SOX6: variants seen among roughly 807,000 people sequenced by gnomAD.
SOX6 encodes the protein transcription factor SOX-6.
In SOX6, 11 loss-of-function variants were observed where a neutral mutation model predicts 97.8. That is an observed-to-expected ratio of 0.11 (90% CI 0.07 to 0.19). SOX6 has a LOEUF of 0.19. Ranked by LOEUF, SOX6 falls within the 10% of genes least tolerant of loss-of-function variation. SOX6 has a pLI of 1.00. For missense variants in SOX6, 810 were observed against 1,039.5 expected (o/e 0.78, Z 3.04); for synonymous variants, 360 against 371.4 (o/e 0.97, Z 0.35).
At chr11:16,044,531 C>A (rs1855769773) in intron 12 of SOX6, among the ~76,000 whole-genome samples, 1 of 152,006 alleles carries the variant, frequency 6.6e-6, no homozygotes, top group Non-Finnish European at 1.5e-5. Flanking sequence ...CCCATGGAAC[C>A]CCATAAAATT....
chr11:16,696,067 A>AC lies in SOX6; in HGVS notation n.429+18762_429+18763insG, dbSNP rs530081087. On this transcript the variant is annotated intron_variant and non_coding_transcript_variant, in intron 3 of 5. Coordinates refer to the SOX6 transcript ENST00000524520. ...AACAGAATCCAACAACTACAAAGCC[A>AC]TTTAGTTGTAGTTTACTTAATAGTT... 1.7e-3 allele frequency among the ~76,000 whole-genome samples: 259 copies of AC among 152,312 alleles called. 2 individuals carry two copies. Among genetic ancestry groups the AC allele is most frequent in the African/African-American group, 6.0e-3 (251 of 41,572 alleles).
At chr11:16,012,795 A>T (rs1403906870) in intron 13 of SOX6, among the ~76,000 whole-genome samples, 1 of 152,022 alleles carries the variant, frequency 6.6e-6, no homozygotes, top group Non-Finnish European at 1.5e-5. Context: ...TAAAATGGAA[A>T]AAGTAATACC....
At chr11:16,097,395 T>C (rs113843951) in intron 8 of SOX6, among the ~76,000 whole-genome samples, 1,585 of 152,020 alleles carry the variant, frequency 0.01, 31 homozygotes, top group African/African-American at 0.036. Context: ...GAATACATAG[T>C]ATTAAGTCCT....
chr11:16,709,269 G>A (rs559530329), intron 3 of SOX6, among the ~76,000 whole-genome samples: 17 of 152,038 alleles, frequency 1.1e-4, no homozygotes, highest in African/African-American at 4.1e-4. Flanking sequence ...TGTAATCCCA[G>A]CACTTTGGGA....
At position 16,185,458 on chromosome 11, in the gene SOX6, A is replaced by T. The variant is rs374628257; in HGVS notation, c.708+1325T>A. On this transcript the variant is annotated intron_variant, in intron 5 of 15. Transcript: ENST00000683767. ...AAAGTGCTGCATAGAAATGCATCCAAAACACCACAGTGCAATTACTATCAT... is the reference window on the plus strand; with the variant it reads ...AAAGTGCTGCATAGAAATGCATCCATAACACCACAGTGCAATTACTATCAT... Among the ~76,000 whole-genome samples the T allele has an allele frequency of 4.1e-4, 63 of 152,294 alleles. No homozygotes were observed. The East Asian group carries it at 8.9e-3, about 21-fold the overall frequency.
chr11:16,374,843 T>C (rs971985167), intron 1 of SOX6, among the ~76,000 whole-genome samples: 1 of 152,066 alleles, frequency 6.6e-6, no homozygotes, highest in Non-Finnish European at 1.5e-5. Context: ...AGGTTGGTTT[T>C]TATTCCTTTC....
At chr11:16,553,579 A>ATT (rs61469318) in intron 4 of SOX6, among the ~76,000 whole-genome samples, 72 of 143,456 alleles carry the variant, frequency 5.0e-4, no homozygotes, top group African/African-American at 8.2e-4. Flanking sequence ...GATTTTGGCC[A>ATT]TTTTTTTTTT....
chr11:16,729,984 A>G (rs1486482778), intron 2 of SOX6, among the ~76,000 whole-genome samples: 1 of 151,256 alleles, frequency 6.6e-6, no homozygotes, highest in African/African-American at 2.4e-5. Context: ...AGGGCATTAC[A>G]TAATGGTAAA....
chr11:16,262,790 C>A (rs1477914567), intron 3 of SOX6, among the ~76,000 whole-genome samples: 2 of 151,970 alleles, frequency 1.3e-5, no homozygotes, highest in Non-Finnish European at 2.9e-5. Flanking sequence ...ATCAATGATG[C>A]ATTTAGATCA....
At chr11:16,590,959 C>A (rs1163205050) in intron 4 of SOX6, among the ~76,000 whole-genome samples, 1 of 151,168 alleles carries the variant, frequency 6.6e-6, no homozygotes, top group East Asian at 1.9e-4. Flanking sequence ...GTTTGTAATA[C>A]AAAGAAAGAA....
intron 6 of SOX6, among the ~76,000 whole-genome samples, chr11:16,134,018 T>C (rs1031684897): frequency 6.6e-6 from 1 of 152,188 alleles, no homozygotes; most frequent in Non-Finnish European, 1.5e-5. Flanking sequence ...GGTAATTACA[T>C]TGGTGATGAT....
intron 3 of SOX6, among the ~76,000 whole-genome samples, chr11:16,698,863 A>T (rs1220223737): frequency 6.6e-6 from 1 of 152,184 alleles, no homozygotes; most frequent in Non-Finnish European, 1.5e-5. Context: ...GGCACTCCAA[A>T]ATAATTATAA....
At chr11:16,173,706 TA>T (rs1423597360) in intron 6 of SOX6, among the ~76,000 whole-genome samples, 2 of 151,328 alleles carry the variant, frequency 1.3e-5, no homozygotes, top group African/African-American at 4.8e-5. Flanking sequence ...AAAGAAGTTT[TA>T]AAACTAAAAA....
chr11:16,137,192 T>G (rs1849990234), intron 6 of SOX6, among the ~76,000 whole-genome samples: 2 of 152,062 alleles, frequency 1.3e-5, no homozygotes, highest in African/African-American at 2.4e-5. Flanking sequence ...TCCTAGCACT[T>G]TGGGAGGCTG....
intron 4 of SOX6, among the ~76,000 whole-genome samples, chr11:16,582,015 T>C (rs1455975409): frequency 1.3e-5 from 2 of 149,450 alleles, no homozygotes; most frequent in African/African-American, 4.9e-5. Flanking sequence ...TGCAACAACA[T>C]GGATGCAGCT....
chr11:16,143,632 G>A (rs528351839), intron 6 of SOX6, among the ~76,000 whole-genome samples: 292 of 152,128 alleles, frequency 1.9e-3, no homozygotes, highest in African/African-American at 6.8e-3. Flanking sequence ...ACACACATAG[G>A]CTCAAAATAA....
chr11:16,245,221 A>AT (rs1339492840), intron 3 of SOX6, among the ~76,000 whole-genome samples: 11 of 151,702 alleles, frequency 7.3e-5, no homozygotes, highest in African/African-American at 2.7e-4. Context: ...ATGTGGTTTA[A>AT]TTGCCAAATA....
intron 1 of SOX6, among the ~76,000 whole-genome samples, chr11:16,377,576 GA>G (rs1012845206): frequency 6.6e-6 from 1 of 151,994 alleles, no homozygotes; most frequent in African/African-American, 2.4e-5. Flanking sequence ...ATTTAAGATG[GA>G]AAAAAACATC....
In SOX6 at chr11:16,109,570, C is replaced by T. The variant is rs1404872787; in HGVS notation, c.898+2233G>A. Reference sequence around the variant, plus strand: ...CAAAAAGAAGTTGTATTGTACTTGTCCAGTTTCCAGTCCAATAGAAGTCTC... The same window carrying T: ...CAAAAAGAAGTTGTATTGTACTTGTTCAGTTTCCAGTCCAATAGAAGTCTC... On this transcript the variant is annotated intron_variant, in intron 7 of 15. Transcript: ENST00000683767. 2.6e-5 allele frequency among the ~76,000 whole-genome samples: 4 copies of T among 152,242 alleles called. No homozygotes were observed. In the East Asian group the frequency reaches 5.8e-4, roughly 22 times the overall value.
Sources: allele counts gnomAD v4.1 joint callset (sites outside exome capture counted in the v4.1 genomes callset), GRCh38; gene constraint gnomAD v4.1.1; transcripts MANE v1.5; gene names NCBI Gene and HGNC (gene_info 2026-07-23, HGNC 2026-07-21).